The following GLT1D1 variants were observed in gnomAD, a reference collection of about 807,000 sequenced individuals.
The protein encoded by GLT1D1 is glycosyltransferase 1 domain containing 1.
In GLT1D1, 21 loss-of-function variants were observed where a neutral mutation model predicts 28.7. That is an observed-to-expected ratio of 0.73 (90% CI 0.52 to 1.05). The LOEUF (loss-of-function observed/expected upper bound fraction) is 1.05, where lower values mean the gene tolerates loss of function less well. GLT1D1 is among the 50% of genes least tolerant of loss of function. GLT1D1 has a pLI of 0.00. For synonymous variants in GLT1D1, 147 were observed against 124.8 expected (o/e 1.18, Z -1.19); for missense variants, 343 against 330.6 (o/e 1.04, Z -0.29).
intron 4 of GLT1D1, among the ~76,000 whole-genome samples, chr12:128,927,830 T>A (rs1326279129): frequency 6.7e-6 from 1 of 150,300 alleles, no homozygotes; most frequent in Non-Finnish European, 1.5e-5. Flanking sequence ...GAAACCCCCA[T>A]CTCTACTAAA....
intron 3 of GLT1D1, among the ~76,000 whole-genome samples, chr12:128,897,197 C>G (rs901804566): frequency 1.2e-4 from 19 of 152,236 alleles, no homozygotes; most frequent in African/African-American, 4.1e-4. Context: ...TATATTTGCT[C>G]TCACGTGAAC....
At chr12:128,881,223 CA>C (rs35871795) in intron 2 of GLT1D1, among the ~76,000 whole-genome samples, 129 of 73,580 alleles carry the variant, frequency 1.8e-3, no homozygotes, top group African/African-American at 4.3e-3. Flanking sequence ...GACTCCGTTT[CA>C]AAAAAAAAAA....
At chr12:128,883,850 A>G (rs1957120589) in intron 2 of GLT1D1, among the ~76,000 whole-genome samples, 1 of 152,190 alleles carries the variant, frequency 6.6e-6, no homozygotes, top group African/African-American at 2.4e-5. Flanking sequence ...GCAGACATAA[A>G]TAAGAGAATC....
intron 3 of GLT1D1, among the ~76,000 whole-genome samples, chr12:128,893,806 G>A (rs1471153801): frequency 3.3e-5 from 5 of 151,964 alleles, no homozygotes; most frequent in African/African-American, 4.8e-5. Context: ...GGCTGGTCTC[G>A]AACTCCTGAC....
chr12:128,955,176 A>C (rs1209379163), intron 6 of GLT1D1, among the ~76,000 whole-genome samples: 1 of 152,164 alleles, frequency 6.6e-6, no homozygotes, highest in Non-Finnish European at 1.5e-5. Context: ...AAATGTGATT[A>C]TCTGTTTACT....
chr12:128,979,846 C>T (rs896765581), intron 7 of GLT1D1, among the ~76,000 whole-genome samples: 1 of 147,310 alleles, frequency 6.8e-6, no homozygotes, highest in Non-Finnish European at 1.5e-5. Context: ...AGAACACTTA[C>T]ACTAACCTAT....
chr12:128,901,452 T>C (rs1382331783), intron 4 of GLT1D1, among the ~76,000 whole-genome samples: 3 of 133,658 alleles, frequency 2.2e-5, no homozygotes, highest in East Asian at 4.6e-4. Context: ...TTTTTTTTTT[T>C]CTGAGATGGA....
At chr12:128,869,636 G>A (rs954689594) in intron 1 of GLT1D1, among the ~76,000 whole-genome samples, 3 of 151,976 alleles carry the variant, frequency 2.0e-5, no homozygotes, top group African/African-American at 4.8e-5. Context: ...ACCGAGCTGC[G>A]TGTGTCTTTC....
chr12:128,888,858 A>C, intron 3 of GLT1D1, 114 bp downstream of exon 3: 1 of 641,968 alleles, frequency 1.6e-6, no homozygotes, highest in Non-Finnish European at 2.7e-6. Flanking sequence ...CTTAGCACTT[A>C]AAACCAATTT....
intron 7 of GLT1D1, among the ~76,000 whole-genome samples, chr12:128,966,791 TA>T (rs1278834137): frequency 1.3e-4 from 10 of 76,142 alleles, no homozygotes; most frequent in Non-Finnish European, 8.9e-5. Flanking sequence ...AAGCCATTTT[TA>T]ATTTTTTTTT....
At chr12:128,914,166 A>G (rs149856645) in intron 4 of GLT1D1, among the ~76,000 whole-genome samples, 114 of 151,938 alleles carry the variant, frequency 7.5e-4, no homozygotes, top group African/African-American at 2.7e-3. Flanking sequence ...TTTTTTCAGC[A>G]AAAATTAAAT....
intron 4 of GLT1D1, among the ~76,000 whole-genome samples, chr12:128,940,790 A>G (rs1593163610): frequency 6.6e-6 from 1 of 152,194 alleles, no homozygotes; most frequent in East Asian, 1.9e-4. Flanking sequence ...CTGGCCTTTA[A>G]AAAGTTGAGG....
At chr12:128,871,040 C>A (rs1223129785) in intron 1 of GLT1D1, among the ~76,000 whole-genome samples, 1 of 152,114 alleles carries the variant, frequency 6.6e-6, no homozygotes, top group African/African-American at 2.4e-5. Flanking sequence ...TACCGATTGT[C>A]TCTATGTAAC....
intron 4 of GLT1D1, among the ~76,000 whole-genome samples, chr12:128,932,976 C>T (rs925856574): frequency 5.3e-5 from 8 of 152,226 alleles, no homozygotes; most frequent in African/African-American, 1.7e-4. Context: ...CTTCCAACAA[C>T]TTATTTATTC....
In GLT1D1 at chr12:128,876,064, T is replaced by G; in HGVS notation, c.217+2T>G. On this transcript the variant is annotated splice_donor_variant, in intron 2 of 7. Coordinates refer to ENST00000281703, the MANE Select transcript of GLT1D1 (RefSeq NM_144669.3). LOFTEE classifies it high-confidence loss of function. ...ATAGGGGAGGCAGGCTTTTGCAAGGTAATCCTCTTTTTCTTCAAAAGTAAA... is the reference window on the plus strand; with the variant it reads ...ATAGGGGAGGCAGGCTTTTGCAAGGGAATCCTCTTTTTCTTCAAAAGTAAA... 1 of 1,596,588 alleles carries G rather than the reference T, an allele frequency of 6.3e-7. No individual in the cohort carries two copies. Among genetic ancestry groups the G allele is most frequent in the South Asian group, 1.1e-5 (1 of 87,880 alleles).
intron 6 of GLT1D1, among the ~76,000 whole-genome samples, chr12:128,956,850 G>C (rs981223671): frequency 6.6e-6 from 1 of 152,126 alleles, no homozygotes; most frequent in Non-Finnish European, 1.5e-5. Context: ...TGGTCAGTGG[G>C]ATCCCCTTGA....
chr12:128,952,431 G>A (rs1234101790), intron 6 of GLT1D1, among the ~76,000 whole-genome samples: 2 of 76,928 alleles, frequency 2.6e-5, no homozygotes, highest in African/African-American at 1.1e-4. Flanking sequence ...TGTAGGGTGG[G>A]GGTGGGGGGG....
intron 3 of GLT1D1, among the ~76,000 whole-genome samples, chr12:128,892,060 A>T (rs1869125016): frequency 6.6e-6 from 1 of 152,204 alleles, no homozygotes; most frequent in African/African-American, 2.4e-5. Flanking sequence ...TTTCCAGGTC[A>T]CTGGTAGGTG....
At chr12:128,908,353 TTTC>T (rs1317796506) in intron 4 of GLT1D1, among the ~76,000 whole-genome samples, 9 of 26,460 alleles carry the variant, frequency 3.4e-4, no homozygotes, top group African/African-American at 3.9e-4. Context: ...TTTCCCTTTC[TTTC>T]TTTCTTTTCT....
Sources: gnomAD v4.1 joint callset for allele counts (sites outside exome capture counted in the v4.1 genomes callset) on GRCh38, gnomAD v4.1.1 for gene constraint, MANE v1.5 for transcripts, NCBI Gene and HGNC (gene_info 2026-07-23, HGNC 2026-07-21) for gene names.